The following THRAP3 variants were observed in gnomAD, a reference collection of about 807,000 sequenced individuals.
The protein encoded by THRAP3 is thyroid hormone receptor-associated protein 3.
A neutral mutation model predicts 101.0 loss-of-function variants in THRAP3; 16 were observed. The ratio of observed to expected loss-of-function variants is 0.16; its 90% CI spans 0.11 to 0.24. THRAP3 has a LOEUF of 0.24. THRAP3 is among the 10% of genes least tolerant of loss of function. The pLI is 1.00. For missense variants in THRAP3, 989 were observed against 1,202.7 expected, an observed-to-expected ratio of 0.82 and a Z score of 2.63; for synonymous variants, 407 against 422.6, an observed-to-expected ratio of 0.96 and a Z score of 0.45.
intron 2 of THRAP3, among the ~76,000 whole-genome samples, chr1:36,271,321 T>G (rs1280009876): frequency 6.6e-6 from 1 of 152,166 alleles, no homozygotes; most frequent in Non-Finnish European, 1.5e-5. Context: ...CTCATTCTGT[T>G]GCCCAGGCTG....
At position 36,289,295 on chromosome 1, in the gene THRAP3, C is replaced by G. The variant is rs1278009583; in HGVS notation, c.1276C>G (p.His426Asp). The part of the protein sequence containing the change: ...DDFEKKMADF[H>D]KEEMDDQDKD... ...CTTTGAGAAGAAGATGGCTGACTTC[C>G]ACAAGGAGGAGATGGATGATCAAGA... Residue 426 changes from histidine (H) to aspartate (D), a missense_variant, in exon 5 of 12, where the codon CAC becomes GAC. His to Asp is a moderately conservative substitution (Grantham distance 81). Transcript: ENST00000354618. 1.2e-6 allele frequency: 2 copies of G among 1,613,990 alleles called. No homozygotes were observed. Among genetic ancestry groups the G allele is most frequent in the Non-Finnish European group, 1.7e-6 (2 of 1,180,002 alleles).
intron 2 of THRAP3, among the ~76,000 whole-genome samples, chr1:36,261,980 G>A (rs969452177): frequency 2.6e-5 from 4 of 152,132 alleles, no homozygotes; most frequent in Non-Finnish European, 5.9e-5. Flanking sequence ...ACTAGATTGG[G>A]TTCTCAATTT....
chr1:36,264,808 A>G (rs1645492015), intron 2 of THRAP3, among the ~76,000 whole-genome samples: 1 of 152,142 alleles, frequency 6.6e-6, no homozygotes, highest in Non-Finnish European at 1.5e-5. Flanking sequence ...TACAGAGTTT[A>G]TATTTGCTAG....
At chr1:36,220,751 C>T (rs990073897), upstream of THRAP3, among the ~76,000 whole-genome samples, 3 of 151,146 alleles carry the variant, frequency 2.0e-5, no homozygotes, top group African/African-American at 4.9e-5. Context: ...GTGAGGAGTT[C>T]GGAACCAGCC....
intron 9 of THRAP3, 25 bp downstream of exon 9, chr1:36,296,795 C>T (rs1566589): frequency 0.99 from 1,527,085 of 1,544,538 alleles, 756,242 homozygotes; most frequent in Non-Finnish European, 1. Context: ...GTTACCCCTT[C>T]CAGACTCTTA....
chr1:36,278,757 A>G (rs1292407677), intron 2 of THRAP3, among the ~76,000 whole-genome samples: 2 of 151,990 alleles, frequency 1.3e-5, no homozygotes, highest in Non-Finnish European at 2.9e-5. Flanking sequence ...CCCCGTCTTT[A>G]CTAAAAGTAC....
At chr1:36,213,956 AAAGAAG>A in the THRAP3 span, among the ~76,000 whole-genome samples, 1 of 124,504 alleles carries the variant, frequency 8.0e-6, no homozygotes, top group Admixed American at 7.9e-5. Flanking sequence ...AGAAAGAAAG[AAAGAAG>A]GAAAGAGAAA....
upstream of THRAP3, among the ~76,000 whole-genome samples, chr1:36,223,686 G>A (rs1046655388): frequency 1.3e-5 from 2 of 152,150 alleles, no homozygotes; most frequent in Non-Finnish European, 2.9e-5. Context: ...AGACTGCAGG[G>A]AGACACTCCC....
chr1:36,269,375 C>G (rs1645559209), intron 2 of THRAP3, among the ~76,000 whole-genome samples: 1 of 152,034 alleles, frequency 6.6e-6, no homozygotes, highest in Admixed American at 6.6e-5. Flanking sequence ...TTTCTCCCCT[C>G]TCGTGATACT....
upstream of THRAP3, among the ~76,000 whole-genome samples, chr1:36,222,314 G>A (rs1184190957): frequency 1.3e-5 from 2 of 152,188 alleles, no homozygotes; most frequent in East Asian, 3.8e-4. Context: ...AATATGCACT[G>A]GGAAACTTGG....
intron 2 of THRAP3, among the ~76,000 whole-genome samples, chr1:36,279,497 C>G (rs1044350635): frequency 6.6e-6 from 1 of 152,222 alleles, no homozygotes; most frequent in Non-Finnish European, 1.5e-5. Flanking sequence ...ACCTCCCACT[C>G]CTGAATAACT....
intron 1 of THRAP3, among the ~76,000 whole-genome samples, chr1:36,240,940 C>T (rs966196954): frequency 6.6e-6 from 1 of 152,166 alleles, no homozygotes; most frequent in Non-Finnish European, 1.5e-5. Flanking sequence ...GGCGCAGTGG[C>T]TCACGCCTGT....
At chr1:36,258,071 C>G (rs932564635) in intron 1 of THRAP3, among the ~76,000 whole-genome samples, 9 of 152,120 alleles carry the variant, frequency 5.9e-5, no homozygotes, top group Non-Finnish European at 1.3e-4. Context: ...GAACTCTGGA[C>G]CTCGTGATCC....
the THRAP3 span, among the ~76,000 whole-genome samples, chr1:36,207,990 G>T: frequency 6.6e-6 from 1 of 152,040 alleles, no homozygotes; most frequent in African/African-American, 2.4e-5. Flanking sequence ...ACTGGGTTTC[G>T]CCATGTTGGC....
intron 2 of THRAP3, among the ~76,000 whole-genome samples, chr1:36,269,610 A>G (rs1414505065): frequency 2.0e-5 from 3 of 152,176 alleles, no homozygotes; most frequent in Non-Finnish European, 4.4e-5. Context: ...GGAAAAGCAC[A>G]TAACCCAGGC....
chr1:36,235,888 A>G (rs904272308), intron 1 of THRAP3, among the ~76,000 whole-genome samples: 10 of 152,162 alleles, frequency 6.6e-5, no homozygotes, highest in Admixed American at 6.6e-4. Context: ...CAGGAAAGTC[A>G]TGTTTATTGA....
chr1:36,266,854 T>A (rs1203742862), intron 2 of THRAP3, among the ~76,000 whole-genome samples: 2 of 124,058 alleles, frequency 1.6e-5, no homozygotes, highest in Non-Finnish European at 3.2e-5. Flanking sequence ...ATACGAATAT[T>A]TATTTATTTA....
At chr1:36,250,274 C>T (rs989697714) in intron 1 of THRAP3, among the ~76,000 whole-genome samples, 22 of 149,188 alleles carry the variant, frequency 1.5e-4, no homozygotes, top group African/African-American at 5.2e-4. Flanking sequence ...AGGGCAGTGG[C>T]GCGATCTCAG....
intron 2 of THRAP3, among the ~76,000 whole-genome samples, chr1:36,268,469 C>G (rs1570295888): frequency 6.6e-6 from 1 of 152,104 alleles, no homozygotes; most frequent in African/African-American, 2.4e-5. Context: ...AATTGCTGTA[C>G]TTTAAAGTAC....
Sources: gnomAD v4.1 joint callset for allele counts (sites outside exome capture counted in the v4.1 genomes callset) on GRCh38, gnomAD v4.1.1 for gene constraint, MANE v1.5 for transcripts, NCBI Gene and HGNC (gene_info 2026-07-23, HGNC 2026-07-21) for gene names.